Variants in CNTN5 observed in about 807,000 individuals in gnomAD.
CNTN5 encodes contactin-5.
In CNTN5, 77 loss-of-function variants were observed where a neutral mutation model predicts 129.1. The observed-to-expected ratio is 0.60, with a 90% CI of 0.50 to 0.72. CNTN5 has a LOEUF of 0.72. Ranked by LOEUF, CNTN5 falls within the 30% of genes least tolerant of loss-of-function variation. The pLI, the probability that CNTN5 is intolerant of heterozygous loss-of-function variation, is 0.00. For synonymous variants in CNTN5, 509 were observed against 465.6 expected (o/e 1.09, Z -1.20); for missense variants, 1,478 against 1,328.8 (o/e 1.11, Z -1.75).
intron 18 of CNTN5, among the ~76,000 whole-genome samples, chr11:100,287,491 C>T (rs1423447121): frequency 6.6e-6 from 1 of 150,940 alleles, no homozygotes; most frequent in African/African-American, 2.4e-5. Context: ...CCCAGAATTT[C>T]ATATCCAGCC....
intron 2 of CNTN5, among the ~76,000 whole-genome samples, chr11:99,393,822 T>A (rs1425454355): frequency 6.6e-6 from 1 of 151,696 alleles, no homozygotes; most frequent in Admixed American, 6.6e-5. Flanking sequence ...GGGAAAAAAA[T>A]TTGAATACCT....
chr11:99,434,493 G>A (rs1413770823), intron 2 of CNTN5, among the ~76,000 whole-genome samples: 1 of 152,082 alleles, frequency 6.6e-6, no homozygotes, highest in Non-Finnish European at 1.5e-5. Context: ...CAGCAAGTAA[G>A]ATGCATAGCT....
At chr11:99,673,235 G>A (rs1230615624) in intron 3 of CNTN5, among the ~76,000 whole-genome samples, 1 of 152,160 alleles carries the variant, frequency 6.6e-6, no homozygotes, top group Admixed American at 6.6e-5. Flanking sequence ...AGACAGCTGT[G>A]TCAAAATTGA....
At chr11:100,020,667 T>C (rs1017926182) in intron 9 of CNTN5, among the ~76,000 whole-genome samples, 1 of 152,094 alleles carries the variant, frequency 6.6e-6, no homozygotes, top group Non-Finnish European at 1.5e-5. Context: ...TAATCTTATA[T>C]GCAGAAAACA....
intron 3 of CNTN5, among the ~76,000 whole-genome samples, chr11:99,770,556 CAA>C (rs1408111356): frequency 6.6e-6 from 1 of 151,938 alleles, no homozygotes; most frequent in Admixed American, 6.6e-5. Context: ...TCAATTATGT[CAA>C]TATCTCATAG....
intron 7 of CNTN5, among the ~76,000 whole-genome samples, chr11:99,937,597 G>A (rs1206473103): frequency 1.3e-5 from 2 of 152,178 alleles, no homozygotes; most frequent in African/African-American, 2.4e-5. Context: ...CATTTTAGTG[G>A]CTCCATGTTG....
At chr11:99,236,918 T>G (rs370661867) in intron 1 of CNTN5, among the ~76,000 whole-genome samples, 16 of 152,310 alleles carry the variant, frequency 1.1e-4, no homozygotes, top group African/African-American at 3.8e-4. Context: ...ATATCTTATA[T>G]TCCTACAATG....
chr11:100,105,765 A>G (rs1237102386), intron 13 of CNTN5, among the ~76,000 whole-genome samples: 8 of 151,734 alleles, frequency 5.3e-5, no homozygotes, highest in Non-Finnish European at 8.8e-5. Context: ...TCTGGTTCCA[A>G]TTCAAGGCAA....
chr11:99,664,454 G>T (rs746978889), intron 3 of CNTN5, among the ~76,000 whole-genome samples: 26 of 151,998 alleles, frequency 1.7e-4, no homozygotes, highest in Non-Finnish European at 3.1e-4. Flanking sequence ...TAGGGGCAAG[G>T]GTGCAAGGAA....
intron 9 of CNTN5, among the ~76,000 whole-genome samples, chr11:100,049,484 G>A (rs1003778769): frequency 2.0e-5 from 3 of 152,096 alleles, no homozygotes; most frequent in Admixed American, 1.3e-4. Context: ...GACAGAAAAT[G>A]TATATTATAA....
chr11:100,178,119 C>G (rs993289874), intron 13 of CNTN5, among the ~76,000 whole-genome samples: 6 of 152,116 alleles, frequency 3.9e-5, no homozygotes, highest in Admixed American at 3.3e-4. Flanking sequence ...AAACCCTCAG[C>G]TCCACTCCCT....
chr11:100,232,535 G>A (rs997993878), intron 16 of CNTN5, among the ~76,000 whole-genome samples: 20 of 152,170 alleles, frequency 1.3e-4, no homozygotes, highest in Admixed American at 5.9e-4. Flanking sequence ...GAAAGGTAGC[G>A]CAGAATCTTA....
chr11:100,087,493 A>G (rs1295318782), intron 13 of CNTN5, among the ~76,000 whole-genome samples: 1 of 151,882 alleles, frequency 6.6e-6, no homozygotes, highest in Non-Finnish European at 1.5e-5. Flanking sequence ...GCCAAAGACA[A>G]TATGAGAAGT....
intron 8 of CNTN5, among the ~76,000 whole-genome samples, chr11:99,966,274 G>T (rs561455524): frequency 1.3e-5 from 2 of 152,280 alleles, no homozygotes; most frequent in South Asian, 4.1e-4. Context: ...CTTATAAAAT[G>T]TATTATCTTA....
At chr11:99,686,396 C>T (rs532738573) in intron 3 of CNTN5, among the ~76,000 whole-genome samples, 2 of 151,780 alleles carry the variant, frequency 1.3e-5, no homozygotes, top group South Asian at 2.1e-4. Context: ...TAGAGAATTT[C>T]GGTTTCTTTT....
intron 2 of CNTN5, among the ~76,000 whole-genome samples, chr11:99,482,837 T>C (rs964605808): frequency 2.0e-5 from 3 of 151,386 alleles, no homozygotes; most frequent in Non-Finnish European, 4.4e-5. Flanking sequence ...AAAGATAATG[T>C]CAAAAAATGA....
chr11:99,137,006 A>G (rs1356702813), intron 1 of CNTN5, among the ~76,000 whole-genome samples: 1 of 152,206 alleles, frequency 6.6e-6, no homozygotes, highest in South Asian at 2.1e-4. Context: ...AACAAGCAAT[A>G]TATCTACTTA....
intron 9 of CNTN5, among the ~76,000 whole-genome samples, chr11:100,047,242 A>G (rs1233708551): frequency 8.6e-6 from 1 of 116,564 alleles, no homozygotes; most frequent in Admixed American, 8.6e-5. Flanking sequence ...AGTTAACCAC[A>G]TAAAACCTCT....
rs146072594 is a variant in CNTN5, at chr11:100,044,099, T to TACACAC, written c.981-17100_981-17095dup. Among the ~76,000 whole-genome samples the TACACAC allele has an allele frequency of 1.2e-3, 171 of 140,976 alleles. 1 individual carries two copies. Among genetic ancestry groups the TACACAC allele is most frequent in the African/African-American group, 3.9e-3 (148 of 37,780 alleles). 92.5% of individuals were successfully genotyped at this position (140,976 alleles called of 152,430 possible). On this transcript the variant is annotated intron_variant, in intron 9 of 24. Coordinates refer to ENST00000524871, the MANE Select transcript of CNTN5 (RefSeq NM_014361.4). ...TGTCTATTATTCCACAGTGTATATA[T>TACACAC]ACACACACACACACACACGTATAGA...
Sources: allele counts gnomAD v4.1 joint callset (sites outside exome capture counted in the v4.1 genomes callset), GRCh38; gene constraint gnomAD v4.1.1; transcripts MANE v1.5; gene names NCBI Gene and HGNC (gene_info 2026-07-23, HGNC 2026-07-21).